SLC24A2: variants seen among roughly 807,000 people sequenced by gnomAD.
The protein encoded by SLC24A2 is solute carrier family 24 member 2.
A neutral mutation model predicts 62.0 loss-of-function variants in SLC24A2; 36 were observed. The observed-to-expected ratio is 0.58, with a 90% confidence interval of 0.44 to 0.77. The LOEUF (loss-of-function observed/expected upper bound fraction) is 0.77, where lower values mean the gene tolerates loss of function less well. Among genes scored for constraint, SLC24A2 ranks in the 30% least tolerant of loss-of-function variants. The pLI is 0.00. For missense variants in SLC24A2, 846 were observed against 817.9 expected (o/e 1.03, Z -0.42); for synonymous variants, 358 against 294.0 (o/e 1.22, Z -2.23).
At chr9:19,830,482 G>A in the SLC24A2 span, among the ~76,000 whole-genome samples, 16 of 152,234 alleles carry the variant, frequency 1.1e-4, no homozygotes, top group Middle Eastern at 3.4e-3. Flanking sequence ...CTGACTCTTA[G>A]AAAGGTTATA....
At chr9:19,703,134 T>A (rs1820406549) in intron 2 of SLC24A2, among the ~76,000 whole-genome samples, 1 of 152,136 alleles carries the variant, frequency 6.6e-6, no homozygotes, top group Non-Finnish European at 1.5e-5. Flanking sequence ...ATATCTTATA[T>A]CAAATTTAGA....
At chr9:20,104,795 C>T in the SLC24A2 span, among the ~76,000 whole-genome samples, 43 of 152,282 alleles carry the variant, frequency 2.8e-4, 1 homozygote, top group Admixed American at 3.9e-4. Context: ...CATCAACTAA[C>T]TAGCAAAATA....
chr9:19,916,330 G>A, the SLC24A2 span, among the ~76,000 whole-genome samples: 1 of 152,124 alleles, frequency 6.6e-6, no homozygotes, highest in South Asian at 2.1e-4. Context: ...TTTTGAAACT[G>A]AGAAGTGCGA....
intron 2 of SLC24A2, among the ~76,000 whole-genome samples, chr9:19,764,017 G>A (rs570758575): frequency 2.0e-5 from 3 of 152,104 alleles, no homozygotes; most frequent in African/African-American, 2.4e-5. Context: ...TCAGGGATTC[G>A]ACTTCTTCCT....
At chr9:20,237,179 G>A in the SLC24A2 span, among the ~76,000 whole-genome samples, 43 of 152,226 alleles carry the variant, frequency 2.8e-4, no homozygotes, top group South Asian at 4.6e-3. Flanking sequence ...CTTTCAGATC[G>A]TATTTCATTC....
intron 4 of SLC24A2, among the ~76,000 whole-genome samples, chr9:19,604,832 G>C (rs1360779561): frequency 6.6e-6 from 1 of 152,158 alleles, no homozygotes; most frequent in Non-Finnish European, 1.5e-5. Flanking sequence ...CTACACTACA[G>C]TATTGTCTGG....
the SLC24A2 span, among the ~76,000 whole-genome samples, chr9:19,993,082 T>C: frequency 2.6e-5 from 4 of 152,232 alleles, no homozygotes; most frequent in East Asian, 5.8e-4. Context: ...TTCAACCCCA[T>C]AAGGTAGCAT....
chr9:20,048,689 T>C, the SLC24A2 span, among the ~76,000 whole-genome samples: 1 of 151,994 alleles, frequency 6.6e-6, no homozygotes, highest in East Asian at 1.9e-4. Flanking sequence ...TACCGATTCA[T>C]TCAGCAGTCC....
chr9:20,212,051 G>A, the SLC24A2 span, among the ~76,000 whole-genome samples: 1 of 151,668 alleles, frequency 6.6e-6, no homozygotes, highest in Non-Finnish European at 1.5e-5. Context: ...TCAATAAATG[G>A]GTTGAACTTC....
At chr9:19,619,072 A>C (rs903416958) in intron 4 of SLC24A2, among the ~76,000 whole-genome samples, 1 of 152,062 alleles carries the variant, frequency 6.6e-6, no homozygotes, top group African/African-American at 2.4e-5. Flanking sequence ...GGCTTTTTAG[A>C]TGCATAGATG....
chr9:19,756,544 T>C (rs918617533), intron 2 of SLC24A2, among the ~76,000 whole-genome samples: 1 of 152,226 alleles, frequency 6.6e-6, no homozygotes, highest in Non-Finnish European at 1.5e-5. Context: ...AATATTTATA[T>C]ATTATCCTAC....
chr9:20,054,773 A>C, the SLC24A2 span, among the ~76,000 whole-genome samples: 1 of 152,142 alleles, frequency 6.6e-6, no homozygotes, highest in Non-Finnish European at 1.5e-5. Flanking sequence ...GACTAATACA[A>C]CTCTAACATG....
chr9:19,876,222 G>A, the SLC24A2 span, among the ~76,000 whole-genome samples: 3 of 152,184 alleles, frequency 2.0e-5, no homozygotes, highest in African/African-American at 7.2e-5. Context: ...ACAAGGGCAT[G>A]TTCAATAGGT....
intron 2 of SLC24A2, among the ~76,000 whole-genome samples, chr9:19,696,628 G>C (rs1587169080): frequency 6.6e-6 from 1 of 152,052 alleles, no homozygotes; most frequent in Non-Finnish European, 1.5e-5. Flanking sequence ...TATGTTTTAA[G>C]TTACATTAAA....
chr9:20,194,104 T>A, the SLC24A2 span, among the ~76,000 whole-genome samples: 1 of 152,028 alleles, frequency 6.6e-6, no homozygotes, highest in Non-Finnish European at 1.5e-5. Context: ...AAAACAAAAG[T>A]AAGCACTCCT....
chr9:20,002,209 A>G, the SLC24A2 span, among the ~76,000 whole-genome samples: 1 of 152,078 alleles, frequency 6.6e-6, no homozygotes, highest in Non-Finnish European at 1.5e-5. Flanking sequence ...CAATAGCACT[A>G]CCATTTCACC....
intron 2 of SLC24A2, among the ~76,000 whole-genome samples, chr9:19,666,145 T>C (rs901737094): frequency 4.6e-5 from 7 of 152,074 alleles, no homozygotes; most frequent in African/African-American, 7.2e-5. Flanking sequence ...GTGGCTCACA[T>C]CTGTAATCCC....
chr9:19,736,652 A>G (rs903862141), intron 2 of SLC24A2, among the ~76,000 whole-genome samples: 1 of 152,272 alleles, frequency 6.6e-6, no homozygotes, highest in East Asian at 1.9e-4. Context: ...TAGCCTGGGC[A>G]ACATAGTGAG....
the SLC24A2 span, among the ~76,000 whole-genome samples, chr9:20,217,538 G>C: frequency 3.3e-4 from 50 of 152,238 alleles, no homozygotes; most frequent in Admixed American, 1.3e-3. Flanking sequence ...CTGGTGCTGG[G>C]AGCAGGTTAG....
Sources: allele counts gnomAD v4.1 joint callset (sites outside exome capture counted in the v4.1 genomes callset), GRCh38; gene constraint gnomAD v4.1.1; transcripts MANE v1.5; gene names NCBI Gene and HGNC (gene_info 2026-07-23, HGNC 2026-07-21).